Variants in ABCB5 observed in about 807,000 individuals in gnomAD.
ABCB5 encodes the protein ATP-binding cassette sub-family B member 5.
A neutral mutation model predicts 144.2 loss-of-function variants in ABCB5; 155 were observed. The observed-to-expected ratio is 1.08, with a 90% CI of 0.94 to 1.23. The LOEUF is 1.23. ABCB5 is among the 50% of genes most tolerant of loss of function. The probability of loss-of-function intolerance (pLI) is 0.00; values close to 1 mark genes in which losing one functional copy is unlikely to be tolerated. For missense variants in ABCB5, 1,830 were observed against 1,520.8 expected (o/e 1.20, Z -3.38); for synonymous variants, 610 against 528.6 (o/e 1.15, Z -2.11).
Position 20,666,598 on chromosome 7 carries a change from G to C in ABCB5, c.1707+7922G>C, listed in dbSNP as rs559662498. Among the ~76,000 whole-genome samples the C allele has an allele frequency of 7.9e-5, 12 of 152,276 alleles. No homozygotes were observed. In the South Asian group the frequency reaches 2.3e-3, roughly 29 times the overall value. On this transcript the variant is annotated intron_variant, in intron 14 of 27. Transcript: ENST00000404938. ...GTGATGTATGGCTGTGCATGGAATT[G>C]TAAAGTAATCTGAAAAATGTCAGCA...
At chr7:20,752,637 A>G (rs1312341882) in intron 26 of ABCB5, among the ~76,000 whole-genome samples, 1 of 152,188 alleles carries the variant, frequency 6.6e-6, no homozygotes, top group Admixed American at 6.5e-5. Context: ...TCACGAGGTC[A>G]GGAATTCATG....
Position 20,685,911 on chromosome 7 carries a change from T to G in ABCB5, c.2010+75T>G, listed in dbSNP as rs1221057417. 6 of 1,381,832 alleles carry G rather than the reference T, an allele frequency of 4.3e-6. No individual in the cohort carries two copies. In the South Asian group the frequency reaches 5.0e-5, roughly 11 times the overall value. 85.6% of individuals were successfully genotyped at this position (1,381,832 alleles called of 1,614,324 possible). A position where few individuals can be genotyped will look rare whatever the true frequency, so the allele number is the denominator to read the frequency against. Reference sequence around the variant, plus strand: ...ATTTAATCCTTACAAAATTTAAAATTTATTTATAGTAAAATATTACTTACT... The same window carrying G: ...ATTTAATCCTTACAAAATTTAAAATGTATTTATAGTAAAATATTACTTACT... On this transcript the variant is annotated intron_variant, in intron 16 of 27. Transcript: ENST00000404938.
intron 13 of ABCB5, among the ~76,000 whole-genome samples, chr7:20,655,610 G>A (rs1004463080): frequency 1.4e-4 from 22 of 152,230 alleles, no homozygotes; most frequent in Admixed American, 6.5e-4. Flanking sequence ...AATGAAAGAC[G>A]TGCAAGTCTT....
At chr7:20,680,348 G>A (rs1304642654) in intron 14 of ABCB5, among the ~76,000 whole-genome samples, 1 of 152,224 alleles carries the variant, frequency 6.6e-6, no homozygotes, top group East Asian at 1.9e-4. Context: ...CACAAGGTCA[G>A]GAGATCGAGA....
At chr7:20,657,462 G>A (rs1198206586) in intron 13 of ABCB5, among the ~76,000 whole-genome samples, 2 of 152,160 alleles carry the variant, frequency 1.3e-5, no homozygotes, top group African/African-American at 4.8e-5. Context: ...GTGAACAACT[G>A]ATACAACATG....
intron 23 of ABCB5, among the ~76,000 whole-genome samples, chr7:20,736,885 C>T (rs181444142): frequency 2.0e-5 from 3 of 152,142 alleles, no homozygotes; most frequent in Admixed American, 1.3e-4. Context: ...GGAGAAAAAG[C>T]GTAAAGAAGA....
chr7:20,727,071 C>A lies in ABCB5; in HGVS notation c.2657C>A (p.Thr886Asn), dbSNP rs750438006. 16 of 1,613,394 alleles carry A rather than the reference C, an allele frequency of 9.9e-6. No individual in the cohort carries two copies. Among genetic ancestry groups the A allele is most frequent in the Non-Finnish European group, 1.4e-5 (16 of 1,179,604 alleles). ...ACTGAAGCTTTGGAGAATATACGTA[C>A]TATAGTGTCATTAACAAGGGAAAAA... ...IATEALENIRTIVSLTREKAF... is the reference protein window; with the variant it reads ...IATEALENIRNIVSLTREKAF... The change falls in exon 22 of 28, where the codon ACT becomes AAT. Residue 886 changes from threonine to asparagine, a missense_variant. By Grantham distance (65) the Thr-to-Asn change is moderately conservative. Coordinates refer to ENST00000404938, the MANE Select transcript of ABCB5 (RefSeq NM_001163941.2).
chr7:20,629,126 CAA>C (rs1397061729), intron 4 of ABCB5, among the ~76,000 whole-genome samples: 2 of 118,662 alleles, frequency 1.7e-5, no homozygotes, highest in East Asian at 2.3e-4. Context: ...GCGTTAGAAA[CAA>C]AGAGAGAGAG....
intron 19 of ABCB5, among the ~76,000 whole-genome samples, chr7:20,701,749 A>T (rs371580172): frequency 1.3e-5 from 2 of 152,346 alleles, no homozygotes; most frequent in East Asian, 1.9e-4. Context: ...CTTGCACAGA[A>T]AGTCTATGCC....
chr7:20,672,717 C>T (rs1265781085), intron 14 of ABCB5, among the ~76,000 whole-genome samples: 1 of 151,914 alleles, frequency 6.6e-6, no homozygotes, highest in African/African-American at 2.4e-5. Context: ...GTTTAAGGTT[C>T]CTTTTGTTTG....
chr7:20,663,064 A>G (rs1179402042), intron 14 of ABCB5, among the ~76,000 whole-genome samples: 1 of 152,218 alleles, frequency 6.6e-6, no homozygotes, highest in Non-Finnish European at 1.5e-5. Flanking sequence ...CAGGGAGGTT[A>G]AGTAATAGGT....
At position 20,643,366 on chromosome 7, in the gene ABCB5, G is replaced by C; in HGVS notation, c.497G>C (p.Arg166Pro). 3 of 1,613,906 alleles carry C rather than the reference G, an allele frequency of 1.9e-6. No homozygotes were observed. The highest frequency in any genetic ancestry group is 2.2e-5 in the East Asian group (1 of 44,882). ...DSCDIGELNT[R>P]MTDDIDKISD... is the part of the protein sequence containing the mutation. ...TGTGACATCGGTGAACTTAACACTC[G>C]CATGACAGAGTAAGAGGATGATATT... The change falls in exon 6 of 28, where the codon CGC becomes CCC. Residue 166 changes from arginine to proline, a missense_variant. Transcript: ENST00000404938.
chr7:20,638,038 G>A (rs564092684), intron 5 of ABCB5, among the ~76,000 whole-genome samples: 33 of 152,218 alleles, frequency 2.2e-4, no homozygotes, highest in African/African-American at 7.9e-4. Context: ...AGATGAATGT[G>A]GAGTTAATAA....
intron 20 of ABCB5, among the ~76,000 whole-genome samples, chr7:20,718,518 T>C (rs1454941578): frequency 6.6e-6 from 1 of 152,204 alleles, no homozygotes; most frequent in Non-Finnish European, 1.5e-5. Flanking sequence ...TTTCCTTAGA[T>C]GTTTTAGTGA....
chr7:20,698,623 A>T, intron 17 of ABCB5, 73 bp downstream of exon 17: 1 of 1,412,376 alleles, frequency 7.1e-7, no homozygotes, highest in Non-Finnish European at 9.5e-7. Flanking sequence ...AGCTTGTATC[A>T]GTCTAAACCA....
At chr7:20,666,838 T>C (rs1161786816) in intron 14 of ABCB5, 24 of 1,526,062 alleles carry the variant, frequency 1.6e-5, no homozygotes, top group Non-Finnish European at 1.8e-5. Context: ...GTGGTATGAA[T>C]TGCACTATCT....
chr7:20,746,150 A>G (rs1350965398), intron 26 of ABCB5, among the ~76,000 whole-genome samples: 1 of 151,558 alleles, frequency 6.6e-6, no homozygotes, highest in African/African-American at 2.4e-5. Flanking sequence ...CCCAGGCTAG[A>G]GTTCCATGGT....
rs962376624 is a variant in ABCB5 at position 20,755,891 on chromosome 7, T to C, written c.*267T>C. ...AGCACATTTGCTTGTAAAGCAGTTT[T>C]CTACAAGGTGAATTTATTTCCCATC... is the stretch of plus-strand genomic sequence containing the variant. On this transcript the variant is annotated 3_prime_UTR_variant, in exon 28 of 28. Coordinates refer to ENST00000404938, the MANE Select transcript of ABCB5 (RefSeq NM_001163941.2). 40 of 380,454 alleles carry C rather than the reference T, an allele frequency of 1.1e-4. No homozygotes were observed. The highest frequency in any genetic ancestry group is 8.0e-4 in the African/African-American group (39 of 48,680). 23.6% of individuals were successfully genotyped at this position (380,454 alleles called of 1,614,324 possible). A position where few individuals can be genotyped will look rare whatever the true frequency, so the allele number is the denominator to read the frequency against.
intron 7 of ABCB5, among the ~76,000 whole-genome samples, chr7:20,644,613 A>G (rs1317034693): frequency 6.6e-6 from 1 of 152,216 alleles, no homozygotes; most frequent in Non-Finnish European, 1.5e-5. Context: ...TATCTGTAAT[A>G]TTATTCTTCA....
Sources: gnomAD v4.1 joint callset for allele counts (sites outside exome capture counted in the v4.1 genomes callset) on GRCh38, gnomAD v4.1.1 for gene constraint, MANE v1.5 for transcripts, NCBI Gene and HGNC (gene_info 2026-07-23, HGNC 2026-07-21) for gene names.